GHR: variants seen among roughly 807,000 people sequenced by gnomAD.
GHR encodes growth hormone receptor.
GHR carries 35 observed loss-of-function variants against 67.1 expected under a neutral mutation model. The ratio of observed to expected loss-of-function variants is 0.52; its 90% CI spans 0.40 to 0.69. The LOEUF (loss-of-function observed/expected upper bound fraction) is 0.69. Among genes scored for constraint, GHR ranks in the 30% least tolerant of loss-of-function variants. The pLI, the probability that GHR is intolerant of heterozygous loss-of-function variation, is 0.00. For synonymous variants in GHR, 272 were observed against 269.1 expected, an observed-to-expected ratio of 1.01 and a Z score of -0.10; for missense variants, 792 against 764.6, an observed-to-expected ratio of 1.04 and a Z score of -0.42.
At chr5:42,617,447 A>G (rs1753219450) in intron 2 of GHR, among the ~76,000 whole-genome samples, 1 of 151,498 alleles carries the variant, frequency 6.6e-6, no homozygotes, top group African/African-American at 2.4e-5. Context: ...CAGATCCTAA[A>G]CTTGAAGCCC....
At chr5:42,441,077 T>G (rs1266691618) in intron 1 of GHR, among the ~76,000 whole-genome samples, 1 of 152,144 alleles carries the variant, frequency 6.6e-6, no homozygotes, top group African/African-American at 2.4e-5. Context: ...ATACACACTA[T>G]TAAAGCCACT....
intron 1 of GHR, among the ~76,000 whole-genome samples, chr5:42,530,859 T>C (rs921744988): frequency 6.6e-6 from 1 of 152,210 alleles, no homozygotes; most frequent in Non-Finnish European, 1.5e-5. Context: ...CTCTTTGGAA[T>C]AGGTTTGTGG....
chr5:42,616,541 C>G (rs979496447), intron 2 of GHR, among the ~76,000 whole-genome samples: 3 of 151,890 alleles, frequency 2.0e-5, no homozygotes, highest in Non-Finnish European at 4.4e-5. Context: ...CTATTAGATA[C>G]CAACTGAAGA....
chr5:42,557,892 C>T (rs1749398188), intron 1 of GHR, among the ~76,000 whole-genome samples: 1 of 152,094 alleles, frequency 6.6e-6, no homozygotes, highest in Non-Finnish European at 1.5e-5. Context: ...AATCTTTGTA[C>T]CTGTTACCTC....
In GHR at chr5:42,707,516, T is replaced by C. The variant is rs548212214; in HGVS notation, c.619-3691T>C. 1.8e-3 allele frequency among the ~76,000 whole-genome samples: 271 copies of C among 152,060 alleles called. 1 individual carries two copies. Among genetic ancestry groups the C allele is most frequent in the Non-Finnish European group, 3.0e-3 (201 of 67,922 alleles). Reference sequence around the variant, plus strand: ...AAAATTACATTGATAATTTGATAGGTATTGCACTGAATGTGTAGATTGGCT... The same window carrying C: ...AAAATTACATTGATAATTTGATAGGCATTGCACTGAATGTGTAGATTGGCT... On this transcript the variant is annotated intron_variant, in intron 6 of 9. Coordinates refer to ENST00000230882, the MANE Select transcript of GHR (RefSeq NM_000163.5).
intron 2 of GHR, among the ~76,000 whole-genome samples, chr5:42,621,382 A>G (rs1753437009): frequency 6.6e-6 from 1 of 152,130 alleles, no homozygotes; most frequent in Non-Finnish European, 1.5e-5. Flanking sequence ...TGAAAAGCCA[A>G]ACTCTAGTAT....
chr5:42,646,432 C>A, intron 3 of GHR: 3 of 393,644 alleles, frequency 7.6e-6, no homozygotes, highest in South Asian at 1.9e-5. Flanking sequence ...TGTACATCAC[C>A]CATAATAAAA....
At chr5:42,707,957 T>A (rs187142277) in intron 6 of GHR, among the ~76,000 whole-genome samples, 9 of 152,162 alleles carry the variant, frequency 5.9e-5, no homozygotes, top group African/African-American at 2.2e-4. Flanking sequence ...CTACTTTAAA[T>A]TGGACTGTGT....
chr5:42,537,339 G>A (rs1485978381), intron 1 of GHR, among the ~76,000 whole-genome samples: 1 of 151,976 alleles, frequency 6.6e-6, no homozygotes, highest in Non-Finnish European at 1.5e-5. Context: ...GTATCCCAAA[G>A]GTTTTGATAG....
At chr5:42,572,783 G>A (rs1416745970) in intron 2 of GHR, among the ~76,000 whole-genome samples, 3 of 152,124 alleles carry the variant, frequency 2.0e-5, no homozygotes, top group Non-Finnish European at 4.4e-5. Flanking sequence ...AGAAGATGGT[G>A]GATCATGTCT....
intron 1 of GHR, among the ~76,000 whole-genome samples, chr5:42,496,659 C>G (rs1746333652): frequency 1.3e-5 from 2 of 152,080 alleles, no homozygotes; most frequent in Admixed American, 1.3e-4. Context: ...ACAACTGGTA[C>G]CCATGCCAGA....
chr5:42,497,731 G>A (rs900109205), intron 1 of GHR, among the ~76,000 whole-genome samples: 8 of 152,148 alleles, frequency 5.3e-5, no homozygotes, highest in South Asian at 2.1e-4. Context: ...AGAGAAAGTC[G>A]TCAGATACAT....
intron 1 of GHR, among the ~76,000 whole-genome samples, chr5:42,513,205 A>G (rs1162700434): frequency 6.6e-6 from 1 of 152,142 alleles, no homozygotes. Flanking sequence ...AAAGAAATCT[A>G]CCTCTTTGGT....
intron 2 of GHR, among the ~76,000 whole-genome samples, chr5:42,592,078 G>A (rs1276951138): frequency 1.3e-5 from 2 of 152,060 alleles, no homozygotes; most frequent in African/African-American, 4.8e-5. Flanking sequence ...GCCTGCAGCA[G>A]CAATACAGTT....
intron 1 of GHR, among the ~76,000 whole-genome samples, chr5:42,563,539 AC>A (rs1749739228): frequency 6.9e-6 from 1 of 145,792 alleles, no homozygotes; most frequent in African/African-American, 2.6e-5. Flanking sequence ...AATGGCGTGA[AC>A]CCGGGAAGCG....
chr5:42,510,392 T>C (rs1746960607), intron 1 of GHR, among the ~76,000 whole-genome samples: 1 of 152,348 alleles, frequency 6.6e-6, no homozygotes, highest in Non-Finnish European at 1.5e-5. Context: ...CCTTCCCATT[T>C]CATGATGGCC....
chr5:42,677,487 A>G (rs1756627885), intron 3 of GHR, among the ~76,000 whole-genome samples: 1 of 152,176 alleles, frequency 6.6e-6, no homozygotes, highest in Admixed American at 6.5e-5. Flanking sequence ...ATGTAATAAT[A>G]TAGCAACATC....
chr5:42,636,174 G>C (rs1299037862), intron 3 of GHR, among the ~76,000 whole-genome samples: 3 of 134,990 alleles, frequency 2.2e-5, no homozygotes, highest in East Asian at 4.3e-4. Flanking sequence ...CTCACCACTG[G>C]ACTCCAGCCT....
intron 3 of GHR, among the ~76,000 whole-genome samples, chr5:42,648,703 A>T (rs567969158): frequency 9.3e-5 from 14 of 151,252 alleles, no homozygotes; most frequent in African/African-American, 3.4e-4. Context: ...TAGTAGTAGT[A>T]GTAGTAGTAG....
Sources: gnomAD v4.1 joint callset for allele counts (sites outside exome capture counted in the v4.1 genomes callset) on GRCh38, gnomAD v4.1.1 for gene constraint, MANE v1.5 for transcripts, NCBI Gene and HGNC (gene_info 2026-07-23, HGNC 2026-07-21) for gene names.